The following FERMT3 variants were observed in gnomAD, a reference collection of about 807,000 sequenced individuals.
FERMT3 encodes the protein FERM domain containing kindlin 3.
In FERMT3, 33 loss-of-function variants were observed where a neutral mutation model predicts 80.8. The observed-to-expected ratio is 0.41, with a 90% confidence interval of 0.31 to 0.55. The LOEUF is 0.55. Among genes scored for constraint, FERMT3 ranks in the 20% least tolerant of loss-of-function variants. FERMT3 has a pLI of 0.31. For synonymous variants in FERMT3, 375 were observed against 372.2 expected (o/e 1.01, Z -0.09); for missense variants, 754 against 908.7 (o/e 0.83, Z 2.19).
At position 64,210,929 on chromosome 11, in the gene FERMT3, G is replaced by C. The variant is rs868830500; in HGVS notation, c.394+85G>C. On this transcript the variant is annotated intron_variant, in intron 3 of 14. Transcript: ENST00000345728. The surrounding 1 kb of genome is among the most constrained non-coding windows in gnomAD (Gnocchi z 4.3). ...CGTTTCCAGGCCCAGCTCTGTTGACGCTGTCCTTGCTGTCTGGGTTGCCAC... is the reference window on the plus strand; with the variant it reads ...CGTTTCCAGGCCCAGCTCTGTTGACCCTGTCCTTGCTGTCTGGGTTGCCAC... 6.2e-7 allele frequency: 1 copy of C among 1,606,400 alleles called. No homozygotes were observed. The highest frequency in any genetic ancestry group is 1.7e-5 in the Admixed American group (1 of 59,488).
intron 12 of FERMT3, 41 bp downstream of exon 12, chr11:64,220,710 C>G (rs1429985248): frequency 1.3e-6 from 2 of 1,550,998 alleles, no homozygotes; most frequent in Admixed American, 3.6e-5. Flanking sequence ...ATAGTGTTTA[C>G]CCAGAGACCT....
Position 64,220,586 on chromosome 11 carries a change from C to T in FERMT3, c.1462C>T (p.His488Tyr), listed in dbSNP as rs1277704051. The T allele has an allele frequency of 5.0e-6, 8 of 1,609,318 alleles. No homozygotes were observed. Among genetic ancestry groups the T allele is most frequent in the Non-Finnish European group, 6.8e-6 (8 of 1,178,380 alleles). Residue 488 changes from histidine to tyrosine, a missense_variant, in exon 12 of 15, where the codon CAC (histidine) becomes TAC (tyrosine). His to Tyr is a moderately conservative substitution (Grantham distance 83). Coordinates refer to ENST00000345728, the MANE Select transcript of FERMT3 (RefSeq NM_031471.6). ...TGSGGPGNHP[H>Y]GPDASAEGLN... The stretch of plus-strand genomic sequence containing the variant: ...CAGTGGGGGCCCGGGCAACCACCCC[C>T]ACGGCCCTGATGCCTCTGCCGAGGG...
chr11:64,211,055 T>G lies in FERMT3; in HGVS notation c.398T>G (p.Ile133Ser). Residue 133 changes from isoleucine (I) to serine (S), a missense_variant, in exon 4 of 15, where the codon ATC (isoleucine) becomes AGC (serine). Coordinates refer to ENST00000345728, the MANE Select transcript of FERMT3 (RefSeq NM_031471.6). This position sits in a 1 kb window ranked among gnomAD's most constrained non-coding sequence, Gnocchi z 4.7. Reference sequence around the variant, plus strand: ...CTGAGACCCTAGCTCCCCTCAGGCATCCGGCACCCCGAGGAGCTGTCCCTG... The same window carrying G: ...CTGAGACCCTAGCTCCCCTCAGGCAGCCGGCACCCCGAGGAGCTGTCCCTG... ...AVAAICRLLS[I>S]RHPEELSLLR... 1 of 1,599,624 alleles carries G rather than the reference T, an allele frequency of 6.3e-7. No individual in the cohort carries two copies. The highest frequency in any genetic ancestry group is 8.5e-7 in the Non-Finnish European group (1 of 1,173,298).
chr11:64,220,846 C>T, intron 12 of FERMT3, 170 bp from the exon 13 acceptor site: 1 of 1,372,988 alleles, frequency 7.3e-7, no homozygotes, highest in Non-Finnish European at 1.0e-6. Context: ...TCCAGGTGCC[C>T]ATGTCCACCT....
chr11:64,207,890 G>T, intron 2 of FERMT3: 1 of 198,472 alleles, frequency 5.0e-6, no homozygotes. Context: ...CCTCCCCTTG[G>T]CGGAAGCTTT....
intron 6 of FERMT3, among the ~76,000 whole-genome samples, chr11:64,215,944 G>C (rs1946540472): frequency 6.6e-6 from 1 of 151,634 alleles, no homozygotes; most frequent in African/African-American, 2.4e-5. Flanking sequence ...AGATTCCCCT[G>C]CCTCAGCCTC....
Position 64,211,567 on chromosome 11 carries a change from T to TC in FERMT3, c.684-72dup, listed in dbSNP as rs967695253. 195 of 1,520,634 alleles carry TC rather than the reference T, an allele frequency of 1.3e-4. No homozygotes were observed. Among genetic ancestry groups the TC allele is most frequent in the Admixed American group, 9.8e-4 (51 of 51,968 alleles). 94.2% of individuals were successfully genotyped at this position (1,520,634 alleles called of 1,614,324 possible). On this transcript the variant is annotated intron_variant, in intron 5 of 14. Transcript: ENST00000345728. The surrounding 1 kb of genome is among the most constrained non-coding windows in gnomAD (Gnocchi z 4.7). Reference sequence around the variant, plus strand: ...CAGGCCTTTTCTCTGTGTGTGCTTGTCCCCCCAGCCCAGCCCCCCTCCCCA... The same window carrying TC: ...CAGGCCTTTTCTCTGTGTGTGCTTGTCCCCCCCAGCCCAGCCCCCCTCCCCA...
rs1363061321 is a variant in FERMT3 at position 64,211,478 on chromosome 11, T to TC, written c.683+40dup. ...GGAGCCACGCCCCCTGTGTCAGGGC[T>TC]CCCCCACCCAGGATCCACCCCCTGT... On this transcript the variant is annotated intron_variant, in intron 5 of 14. Transcript: ENST00000345728. This position sits in a 1 kb window ranked among gnomAD's most constrained non-coding sequence, Gnocchi z 4.7. The TC allele has an allele frequency of 6.5e-7, 1 of 1,550,102 alleles. No homozygotes were observed. The highest frequency in any genetic ancestry group is 8.7e-7 in the Non-Finnish European group (1 of 1,152,758).
rs759626949 is a variant in FERMT3 at position 64,210,858 on chromosome 11, C to G, written c.394+14C>G. On this transcript the variant is annotated intron_variant, in intron 3 of 14. Coordinates refer to ENST00000345728, the MANE Select transcript of FERMT3 (RefSeq NM_031471.6). The surrounding 1 kb of genome is among the most constrained non-coding windows in gnomAD (Gnocchi z 4.3). ...GCCGCCTCCTCAGTAAGTTGCCCGG[C>G]TGATTCCCCTGGCCCACGAGGGTGA... The G allele has an allele frequency of 2.5e-6, 4 of 1,610,416 alleles. 1 individual carries two copies. In the South Asian group the frequency reaches 4.4e-5, roughly 18 times the overall value.
At chr11:64,208,977 T>C (rs1946378028) in intron 2 of FERMT3, among the ~76,000 whole-genome samples, 1 of 152,074 alleles carries the variant, frequency 6.6e-6, no homozygotes, top group Admixed American at 6.5e-5. Context: ...GAGGAGGCTG[T>C]GGTCCTGGTT....
chr11:64,207,347 G>C lies in FERMT3; in HGVS notation c.-14-4G>C. 5 of 1,614,086 alleles carry C rather than the reference G, an allele frequency of 3.1e-6. No homozygotes were observed. The highest frequency in any genetic ancestry group is 1.7e-5 in the Admixed American group (1 of 60,022). On this transcript the variant is annotated splice_region_variant and splice_polypyrimidine_tract_variant and intron_variant, in intron 1 of 14. Transcript: ENST00000345728. ...CACCTTGCCTCCTTCCACACTCTCT[G>C]TAGCAGCAGCCGCAGCCATGGCGGG...
intron 13 of FERMT3, 22 bp from the exon 14 acceptor site, chr11:64,223,026 A>G (rs1565298875): frequency 1.2e-5 from 20 of 1,612,760 alleles, no homozygotes; most frequent in Non-Finnish European, 1.5e-5. Flanking sequence ...GCCCTGGCTC[A>G]CTCTCTCTCC....
At chr11:64,222,219 C>G (rs541457326) in intron 13 of FERMT3, among the ~76,000 whole-genome samples, 1 of 147,920 alleles carries the variant, frequency 6.8e-6, no homozygotes, top group Non-Finnish European at 1.5e-5. Context: ...AGCCTGGGTG[C>G]GAACGAGTGA....
intron 2 of FERMT3, among the ~76,000 whole-genome samples, chr11:64,208,546 G>C (rs898443919): frequency 1.3e-5 from 2 of 152,226 alleles, no homozygotes; most frequent in African/African-American, 4.8e-5. Flanking sequence ...TGGCCGCCCC[G>C]GGCCAGTCCC....
In FERMT3 at chr11:64,211,338, C is replaced by G. The variant is rs1239679200; in HGVS notation, c.578C>G (p.Ala193Gly). ...AHFSDSAQTEACYHMLSRPQP... is the reference protein window; with the variant it reads ...AHFSDSAQTEGCYHMLSRPQP... ...TTCTCGGACAGCGCCCAGACTGAGG[C>G]CTGCTACCACATGCTGAGCCGGCCC... Residue 193 changes from alanine to glycine, a missense_variant, in exon 5 of 15, where the codon GCC becomes GGC. Ala to Gly is a moderately conservative substitution (Grantham distance 60, BLOSUM62 0). Transcript: ENST00000345728. The surrounding 1 kb of genome is among the most constrained non-coding windows in gnomAD (Gnocchi z 4.7). 6.2e-7 allele frequency: 1 copy of G among 1,613,026 alleles called. No individual in the cohort carries two copies. The highest frequency in any genetic ancestry group is 8.5e-7 in the Non-Finnish European group (1 of 1,179,800).
At chr11:64,209,201 C>T (rs1172256708) in intron 2 of FERMT3, among the ~76,000 whole-genome samples, 3 of 152,030 alleles carry the variant, frequency 2.0e-5, no homozygotes, top group Admixed American at 6.6e-5. Context: ...CTGTGCACAG[C>T]GAGTCTGAGC....
At position 64,220,444 on chromosome 11, in the gene FERMT3, G is replaced by A. The variant is rs76744324; in HGVS notation, c.1320G>A (p.Gln440=). 2.3e-3 allele frequency: 3,764 copies of A among 1,611,164 alleles called. 89 individuals are homozygous for A. In the African/African-American group the frequency reaches 0.046, roughly 20 times the overall value. ...EIYLRCQDEQ[Q]YARWMAGCRL... is the part of the protein sequence containing the mutation. ...TCACCCCTCTCGCCCAGGAGCAGCA[G>A]TATGCCCGCTGGATGGCTGGCTGCC... Residue 440 remains glutamine, a synonymous_variant, in exon 12 of 15, where the codon CAG becomes CAA. Transcript: ENST00000345728.
chr11:64,210,904 C>T lies in FERMT3; in HGVS notation c.394+60C>T, dbSNP rs1400607424. 1.4e-5 allele frequency: 22 copies of T among 1,608,746 alleles called. No individual in the cohort carries two copies. Among genetic ancestry groups the T allele is most frequent in the African/African-American group, 2.7e-5 (2 of 74,882 alleles). On this transcript the variant is annotated intron_variant, in intron 3 of 14. Coordinates refer to ENST00000345728, the MANE Select transcript of FERMT3 (RefSeq NM_031471.6). This position sits in a 1 kb window ranked among gnomAD's most constrained non-coding sequence, Gnocchi z 4.3. Reference sequence around the variant, plus strand: ...GGTGATGCAAAGAGGCAGGTTCCCCCGTTTCCAGGCCCAGCTCTGTTGACG... The same window carrying T: ...GGTGATGCAAAGAGGCAGGTTCCCCTGTTTCCAGGCCCAGCTCTGTTGACG...
intron 13 of FERMT3, among the ~76,000 whole-genome samples, chr11:64,221,626 G>C (rs1200878626): frequency 6.6e-6 from 1 of 151,560 alleles, no homozygotes; most frequent in Non-Finnish European, 1.5e-5. Context: ...GCGAGACTCT[G>C]TCTCAAAAAT....
Sources: allele counts gnomAD v4.1 joint callset (sites outside exome capture counted in the v4.1 genomes callset), GRCh38; gene constraint gnomAD v4.1.1; non-coding constraint Gnocchi (gnomAD v3.1); transcripts MANE v1.5; gene names NCBI Gene and HGNC (gene_info 2026-07-23, HGNC 2026-07-21).